UBR3: variants seen among roughly 807,000 people sequenced by gnomAD.
UBR3 encodes the protein ubiquitin protein ligase E3 component n-recognin 3.
A neutral mutation model predicts 243.2 loss-of-function variants in UBR3; 85 were observed. That is an observed-to-expected ratio of 0.35 (90% CI 0.29 to 0.42). The LOEUF (loss-of-function observed/expected upper bound fraction) is 0.42, where lower values mean the gene tolerates loss of function less well. Among genes scored for constraint, UBR3 ranks in the 10% least tolerant of loss-of-function variants. The pLI is 1.00. For missense variants in UBR3, 1,686 were observed against 2,300.8 expected (o/e 0.73, Z 5.47); for synonymous variants, 748 against 799.8 (o/e 0.94, Z 1.09).
At chr2:169,960,331 G>A (rs1260253684) in intron 24 of UBR3, among the ~76,000 whole-genome samples, 2 of 151,802 alleles carry the variant, frequency 1.3e-5, no homozygotes, top group African/African-American at 4.8e-5. Flanking sequence ...TTTAGACTTG[G>A]GTTCCAGCCC....
At chr2:169,978,040 A>G (rs1049300496) in intron 24 of UBR3, among the ~76,000 whole-genome samples, 3 of 152,120 alleles carry the variant, frequency 2.0e-5, no homozygotes, top group African/African-American at 7.2e-5. Context: ...GTATAGTGGT[A>G]TAACTTCCAT....
At chr2:169,953,609 G>C (rs1039797635) in intron 23 of UBR3, among the ~76,000 whole-genome samples, 1 of 152,104 alleles carries the variant, frequency 6.6e-6, no homozygotes, top group Non-Finnish European at 1.5e-5. Context: ...CAATAATCTC[G>C]ATTAAGAAAA....
In UBR3 at chr2:169,946,275, TCCC is replaced by T; in HGVS notation, c.2806-12_2806-10del. 1 of 1,409,706 alleles carries T rather than the reference TCCC, an allele frequency of 7.1e-7. No individual in the cohort carries two copies. 87.3% of individuals were successfully genotyped at this position (1,409,706 alleles called of 1,614,324 possible). ...AAAAAGTAATTATGAGGCATTTTCT[TCCC>T]TTTTTAAAGATTTTGATGGATCATC... is the stretch of plus-strand genomic sequence containing the variant. On this transcript the variant is annotated splice_polypyrimidine_tract_variant and intron_variant, in intron 20 of 38. Coordinates refer to ENST00000272793, the MANE Select transcript of UBR3 (RefSeq NM_172070.4).
At position 169,918,548 on chromosome 2, in the gene UBR3, T is replaced by C. The variant is rs533312271; in HGVS notation, c.1866+4402T>C. Among the ~76,000 whole-genome samples the C allele has an allele frequency of 3.3e-5, 5 of 151,948 alleles. No individual in the cohort carries two copies. In the East Asian group the frequency reaches 9.7e-4, roughly 29 times the overall value. ...TCTTGCCCAGGCTGGTCTTGAACAC[T>C]TGGGCTCAGGTGATTCTCCTGCCTG... On this transcript the variant is annotated intron_variant, in intron 11 of 38. Transcript: ENST00000272793.
intron 6 of UBR3, among the ~76,000 whole-genome samples, chr2:169,894,299 C>CA (rs1266581225): frequency 7.9e-6 from 1 of 127,074 alleles, no homozygotes; most frequent in Non-Finnish European, 1.6e-5. Flanking sequence ...CTCTGGCCTC[C>CA]AGAGTGAGAC....
At chr2:169,918,047 C>CT (rs2085532341) in intron 11 of UBR3, among the ~76,000 whole-genome samples, 1 of 152,086 alleles carries the variant, frequency 6.6e-6, no homozygotes, top group Non-Finnish European at 1.5e-5. Flanking sequence ...ATTATTCCTC[C>CT]TTTTTTTGTC....
chr2:169,877,975 A>C (rs2083677067), intron 4 of UBR3, among the ~76,000 whole-genome samples: 1 of 152,236 alleles, frequency 6.6e-6, no homozygotes, highest in Non-Finnish European at 1.5e-5. Context: ...GATCCTTCTG[A>C]AACACCATTT....
intron 35 of UBR3, among the ~76,000 whole-genome samples, chr2:170,069,392 T>C (rs895846449): frequency 1.3e-5 from 2 of 152,156 alleles, no homozygotes; most frequent in African/African-American, 2.4e-5. Context: ...TTGTATATGA[T>C]GACCACAATC....
intron 31 of UBR3, among the ~76,000 whole-genome samples, chr2:170,033,317 C>T (rs554271006): frequency 6.6e-6 from 1 of 152,028 alleles, no homozygotes; most frequent in Admixed American, 6.6e-5. Flanking sequence ...TGGTGCTTTG[C>T]ATATATAATC....
chr2:170,017,594 G>A (rs910511234), intron 30 of UBR3, among the ~76,000 whole-genome samples: 9 of 150,194 alleles, frequency 6.0e-5, no homozygotes, highest in African/African-American at 9.8e-5. Context: ...GGGGGAGAAG[G>A]GAAGATTGTT....
chr2:170,082,021 T>C lies in UBR3; in HGVS notation c.*178T>C, dbSNP rs538145335. On this transcript the variant is annotated 3_prime_UTR_variant, in exon 39 of 39. Transcript: ENST00000272793. ...AATCACGTTAATGGTATAATTTTTTTTTTTTAATATCTGGAGAACATTAAT... is the reference window on the plus strand; with the variant it reads ...AATCACGTTAATGGTATAATTTTTTCTTTTTAATATCTGGAGAACATTAAT... 1 of 416,082 alleles carries C rather than the reference T, an allele frequency of 2.4e-6. No individual in the cohort carries two copies. The highest frequency in any genetic ancestry group is 4.3e-6 in the Non-Finnish European group (1 of 234,064). The allele number at this position is 416,082 out of a possible 1,614,324, so 25.8% of individuals were successfully genotyped here. A position where few individuals can be genotyped will look rare whatever the true frequency, so the allele number is the denominator to read the frequency against.
chr2:170,081,176 GAA>G (rs1208797381), intron 38 of UBR3, among the ~76,000 whole-genome samples: 1 of 152,130 alleles, frequency 6.6e-6, no homozygotes, highest in African/African-American at 2.4e-5. Context: ...GGGCAACAGA[GAA>G]AGACTGTCTC....
At chr2:169,955,786 T>TC (rs2087254870) in intron 23 of UBR3, among the ~76,000 whole-genome samples, 1 of 6,740 alleles carries the variant, frequency 1.5e-4, no homozygotes, top group African/African-American at 2.9e-4. Flanking sequence ...AGAGTGAGAC[T>TC]CCATCTCAAA....
At chr2:169,829,023 T>C (rs994015739) in intron 1 of UBR3, among the ~76,000 whole-genome samples, 2 of 152,168 alleles carry the variant, frequency 1.3e-5, no homozygotes, top group African/African-American at 4.8e-5. Flanking sequence ...AGGGGCGATT[T>C]TGGATGGGCA....
At chr2:169,921,837 C>G (rs1169609288) in intron 11 of UBR3, among the ~76,000 whole-genome samples, 1 of 151,940 alleles carries the variant, frequency 6.6e-6, no homozygotes, top group Non-Finnish European at 1.5e-5. Flanking sequence ...ACTAAAAATA[C>G]AAAAATTAGC....
chr2:170,041,181 A>C (rs752841831), intron 32 of UBR3, among the ~76,000 whole-genome samples, 196 bp downstream of exon 32: 5 of 152,242 alleles, frequency 3.3e-5, no homozygotes, highest in Non-Finnish European at 5.9e-5. Context: ...ATGCTGTCTC[A>C]AAAAGAGAAA....
chr2:170,054,820 A>G (rs1476232333), intron 32 of UBR3, among the ~76,000 whole-genome samples: 1 of 152,172 alleles, frequency 6.6e-6, no homozygotes. Context: ...GTTATTGAGC[A>G]TGTGAAGCCC....
chr2:170,054,767 G>A (rs1245342922), intron 32 of UBR3, among the ~76,000 whole-genome samples: 1 of 152,062 alleles, frequency 6.6e-6, no homozygotes, highest in African/African-American at 2.4e-5. Flanking sequence ...TCATATAGGG[G>A]TAGATGATGT....
chr2:169,832,568 G>GA (rs2081973251), intron 1 of UBR3, among the ~76,000 whole-genome samples: 1 of 151,036 alleles, frequency 6.6e-6, no homozygotes, highest in African/African-American at 2.4e-5. Flanking sequence ...CTCTGTCTCA[G>GA]GAAAAAAAAC....
Sources: allele counts gnomAD v4.1 joint callset (sites outside exome capture counted in the v4.1 genomes callset), GRCh38; gene constraint gnomAD v4.1.1; transcripts MANE v1.5; gene names NCBI Gene and HGNC (gene_info 2026-07-23, HGNC 2026-07-21).